SSBP3: variants seen among roughly 807,000 people sequenced by gnomAD.
SSBP3 encodes single-stranded DNA-binding protein 3.
A neutral mutation model predicts 69.6 loss-of-function variants in SSBP3; 5 were observed. The ratio of observed to expected loss-of-function variants is 0.07; its 90% CI spans 0.04 to 0.15. The LOEUF is 0.15. Ranked by LOEUF, SSBP3 falls within the 10% of genes least tolerant of loss-of-function variation. SSBP3 has a pLI of 1.00. For missense variants in SSBP3, 312 were observed against 534.0 expected, an observed-to-expected ratio of 0.58 and a Z score of 4.10; for synonymous variants, 196 against 193.4, an observed-to-expected ratio of 1.01 and a Z score of -0.11.
At chr1:54,270,894 C>T (rs1341811918) in intron 5 of SSBP3, among the ~76,000 whole-genome samples, 2 of 152,192 alleles carry the variant, frequency 1.3e-5, no homozygotes, top group Admixed American at 6.5e-5. Context: ...TGTGCCCACC[C>T]AGGCTGTGTG....
At chr1:54,298,031 C>T (rs1264024478) in intron 4 of SSBP3, among the ~76,000 whole-genome samples, 1 of 152,184 alleles carries the variant, frequency 6.6e-6, no homozygotes, top group African/African-American at 2.4e-5. Flanking sequence ...CAGGCCTCTT[C>T]TGCCCCCTCA....
At position 54,255,160 on chromosome 1, in the gene SSBP3, G is replaced by A. The variant is rs1000659752; in HGVS notation, c.507+1967C>T. Among the ~76,000 whole-genome samples the A allele has an allele frequency of 2.6e-3, 135 of 52,528 alleles. 5 individuals are homozygous for A. Among genetic ancestry groups the A allele is most frequent in the African/African-American group, 0.015 (128 of 8,324 alleles). 34.5% of individuals were successfully genotyped at this position (52,528 alleles called of 152,430 possible). A position where few individuals can be genotyped will look rare whatever the true frequency, so the allele number is the denominator to read the frequency against. On this transcript the variant is annotated intron_variant, in intron 7 of 17. Coordinates refer to ENST00000610401, the Ensembl canonical transcript of SSBP3. ...TGTAGATTTCTATTGCGGGGGGGCG[G>A]GGGGGGGGGTGGTTGGCAGGGAGGT... is the stretch of plus-strand genomic sequence containing the variant.
At chr1:54,273,213 C>A (rs1645226021) in intron 5 of SSBP3, among the ~76,000 whole-genome samples, 1 of 152,238 alleles carries the variant, frequency 6.6e-6, no homozygotes, top group African/African-American at 2.4e-5. Flanking sequence ...TTATGTTCAA[C>A]TTTCCATTTC....
At chr1:54,243,380 C>T (rs529671087) in intron 9 of SSBP3, 81 bp from the exon 10 acceptor site, 2 of 1,494,326 alleles carry the variant, frequency 1.3e-6, no homozygotes, top group East Asian at 4.5e-5. Flanking sequence ...ACAGACAAAA[C>T]ATAGTGAGAG....
intron 4 of SSBP3, among the ~76,000 whole-genome samples, chr1:54,370,370 G>A (rs1363774614): frequency 6.6e-6 from 1 of 152,204 alleles, no homozygotes; most frequent in Admixed American, 6.5e-5. Flanking sequence ...GATAATGGCT[G>A]ACTAGAAGGC....
chr1:54,347,168 A>G (rs1365031495), intron 4 of SSBP3, among the ~76,000 whole-genome samples: 1 of 152,044 alleles, frequency 6.6e-6, no homozygotes, highest in Non-Finnish European at 1.5e-5. Flanking sequence ...GGGTCTCACT[A>G]TGTTAACCAA....
chr1:54,363,191 T>C (rs1434232513), intron 4 of SSBP3, among the ~76,000 whole-genome samples: 2 of 152,028 alleles, frequency 1.3e-5, no homozygotes, highest in Non-Finnish European at 2.9e-5. Context: ...CAAGGGAAAA[T>C]GACAGACACT....
chr1:54,277,211 A>G (rs1645304484), intron 5 of SSBP3, among the ~76,000 whole-genome samples: 1 of 152,060 alleles, frequency 6.6e-6, no homozygotes, highest in South Asian at 2.1e-4. Flanking sequence ...ATTCACGTTC[A>G]TGGTAGACAT....
chr1:54,312,592 C>G (rs1484550087), intron 4 of SSBP3, among the ~76,000 whole-genome samples: 1 of 152,058 alleles, frequency 6.6e-6, no homozygotes, highest in Non-Finnish European at 1.5e-5. Flanking sequence ...CATAGAGGAC[C>G]AGAGAACATG....
chr1:54,404,518 T>C (rs1474592211), intron 3 of SSBP3, 58 bp downstream of exon 3: 1 of 1,600,214 alleles, frequency 6.2e-7, no homozygotes, highest in Non-Finnish European at 8.6e-7. Flanking sequence ...CTTTGTTCAC[T>C]TGGACCCAGG....
At chr1:54,392,236 G>T (rs72665964) in intron 4 of SSBP3, among the ~76,000 whole-genome samples, 2,920 of 152,206 alleles carry the variant, frequency 0.019, 47 homozygotes, top group African/African-American at 0.041. Context: ...ACAATTTCCC[G>T]AGAACTCTCT....
chr1:54,384,089 G>T (rs1647890015), intron 4 of SSBP3, among the ~76,000 whole-genome samples: 1 of 126,396 alleles, frequency 7.9e-6, no homozygotes, highest in African/African-American at 3.1e-5. Context: ...CTGGGCAACA[G>T]TGCAAGACTC....
At chr1:54,393,682 C>T (rs1270203755) in intron 4 of SSBP3, among the ~76,000 whole-genome samples, 3 of 152,192 alleles carry the variant, frequency 2.0e-5, no homozygotes, top group Non-Finnish European at 4.4e-5. Context: ...TTATGCAGAA[C>T]TTGCACTGTG....
At chr1:54,393,115 G>A (rs1313741805) in intron 4 of SSBP3, among the ~76,000 whole-genome samples, 1 of 152,200 alleles carries the variant, frequency 6.6e-6, no homozygotes, top group Admixed American at 6.5e-5. Flanking sequence ...CCTAGAAAAT[G>A]AGAAGTCACT....
chr1:54,231,780 C>T (rs1050716255), intron 14 of SSBP3, among the ~76,000 whole-genome samples: 12 of 152,126 alleles, frequency 7.9e-5, no homozygotes, highest in South Asian at 4.1e-4. Context: ...CTGCAACCTC[C>T]GCCTCCTGGG....
At chr1:54,256,622 C>T (rs1420351173) in intron 7 of SSBP3, among the ~76,000 whole-genome samples, 1 of 152,176 alleles carries the variant, frequency 6.6e-6, no homozygotes, top group Non-Finnish European at 1.5e-5. Context: ...CTGAAAAACT[C>T]ACAAATCTCC....
chr1:54,227,288 T>G, intron 17 of SSBP3, 128 bp from the exon 18 acceptor site: 1 of 696,658 alleles, frequency 1.4e-6, no homozygotes, highest in Non-Finnish European at 2.6e-6. Context: ...GTGGTTGAGC[T>G]GAGGGGCACA....
In SSBP3 at chr1:54,351,966, C is replaced by A. The variant is rs555195781; in HGVS notation, c.276+49895G>T. 4.6e-5 allele frequency among the ~76,000 whole-genome samples: 7 copies of A among 152,330 alleles called. No individual in the cohort carries two copies. In the South Asian group the frequency reaches 1.4e-3, roughly 32 times the overall value. ...AGCAGTGTGAACTCCAGCAAACCAACAGGCTTCCACAGCATGGAAGGCAAA... is the reference window on the plus strand; with the variant it reads ...AGCAGTGTGAACTCCAGCAAACCAAAAGGCTTCCACAGCATGGAAGGCAAA... On this transcript the variant is annotated intron_variant, in intron 4 of 17. Transcript: ENST00000610401.
chr1:54,298,643 G>A (rs567686603), intron 4 of SSBP3, among the ~76,000 whole-genome samples: 7 of 152,198 alleles, frequency 4.6e-5, no homozygotes, highest in East Asian at 1.9e-4. Context: ...AGAGGGGTGT[G>A]GTGTGGGGCC....
Sources: gnomAD v4.1 joint callset for allele counts (sites outside exome capture counted in the v4.1 genomes callset) on GRCh38, gnomAD v4.1.1 for gene constraint, MANE v1.5 for transcripts, NCBI Gene and HGNC (gene_info 2026-07-23, HGNC 2026-07-21) for gene names.